Variants in CTTNBP2NL observed in about 807,000 individuals in gnomAD.
CTTNBP2NL encodes CTTNBP2 N-terminal like.
Under a neutral mutation model 32.5 loss-of-function variants are expected in CTTNBP2NL, and 16 were observed. The ratio of observed to expected loss-of-function variants is 0.49; its 90% CI spans 0.33 to 0.75. CTTNBP2NL has a LOEUF of 0.75. Among genes scored for constraint, CTTNBP2NL ranks in the 30% least tolerant of loss-of-function variants. CTTNBP2NL has a pLI of 0.02. For synonymous variants in CTTNBP2NL, 298 were observed against 289.4 expected (o/e 1.03, Z -0.30); for missense variants, 645 against 756.0 (o/e 0.85, Z 1.72).
intron 3 of CTTNBP2NL, among the ~76,000 whole-genome samples, chr1:112,418,580 A>C (rs958492554): frequency 6.6e-6 from 1 of 151,938 alleles, no homozygotes; most frequent in African/African-American, 2.4e-5. Context: ...AAAAAAAAAA[A>C]CTTCTTTATG....
chr1:112,423,653 A>G (rs1340466655), intron 3 of CTTNBP2NL, among the ~76,000 whole-genome samples: 7 of 151,838 alleles, frequency 4.6e-5, no homozygotes, highest in African/African-American at 1.7e-4. Flanking sequence ...ACCTTGTCTC[A>G]TTTCATTCTC....
chr1:112,397,304 G>T (rs1188484094), intron 1 of CTTNBP2NL, among the ~76,000 whole-genome samples: 2 of 152,170 alleles, frequency 1.3e-5, no homozygotes, highest in Non-Finnish European at 2.9e-5. Context: ...AACCTTGAAG[G>T]TATACTGCAG....
intron 1 of CTTNBP2NL, among the ~76,000 whole-genome samples, chr1:112,409,327 A>G (rs542646109): frequency 1.5e-4 from 23 of 152,282 alleles, no homozygotes; most frequent in Middle Eastern, 3.4e-3. Context: ...ATATCTGAGT[A>G]TATAATTAAA....
At chr1:112,398,171 G>A (rs969894277) in intron 1 of CTTNBP2NL, among the ~76,000 whole-genome samples, 2 of 152,200 alleles carry the variant, frequency 1.3e-5, no homozygotes, top group African/African-American at 4.8e-5. Flanking sequence ...AAGAGACTAA[G>A]CAAACCAAAG....
At chr1:112,423,924 T>C (rs1328492755) in intron 3 of CTTNBP2NL, among the ~76,000 whole-genome samples, 1 of 152,228 alleles carries the variant, frequency 6.6e-6, no homozygotes, top group African/African-American at 2.4e-5. Flanking sequence ...GATTTCACCA[T>C]GTTGGTCGGG....
intron 3 of CTTNBP2NL, among the ~76,000 whole-genome samples, chr1:112,432,579 C>T (rs1649599762): frequency 6.6e-6 from 1 of 151,248 alleles, no homozygotes; most frequent in African/African-American, 2.4e-5. Flanking sequence ...TTTCTTATAC[C>T]ACCCTATTCT....
At chr1:112,447,252 C>T (rs147709021) in intron 3 of CTTNBP2NL, among the ~76,000 whole-genome samples, 1,523 of 121,208 alleles carry the variant, frequency 0.013, 40 homozygotes, top group African/African-American at 0.044. Flanking sequence ...CCAGCCTGGG[C>T]GACAGAGCGA....
chr1:112,452,358 T>C (rs1208188634), intron 4 of CTTNBP2NL, among the ~76,000 whole-genome samples: 1 of 145,408 alleles, frequency 6.9e-6, no homozygotes, highest in African/African-American at 2.6e-5. Context: ...TTTTTTTTTT[T>C]TTTTAGACAG....
At chr1:112,435,079 A>G (rs1006679917) in intron 3 of CTTNBP2NL, among the ~76,000 whole-genome samples, 2 of 138,394 alleles carry the variant, frequency 1.4e-5, no homozygotes, top group African/African-American at 2.6e-5. Context: ...GGAGGCAGAG[A>G]TTGTAGCAAG....
At chr1:112,423,345 TGA>T (rs1403101768) in intron 3 of CTTNBP2NL, among the ~76,000 whole-genome samples, 3 of 152,148 alleles carry the variant, frequency 2.0e-5, no homozygotes, top group East Asian at 1.9e-4. Flanking sequence ...CAAAAATCAC[TGA>T]GAGTAGATTT....
chr1:112,454,547 G>A lies in CTTNBP2NL; in HGVS notation c.429G>A (p.Leu143=). 6.2e-7 allele frequency: 1 copy of A among 1,606,106 alleles called. No individual in the cohort carries two copies. The highest frequency in any genetic ancestry group is 1.1e-5 in the South Asian group (1 of 90,894). The change falls in exon 5 of 6, where the codon CTG becomes CTA. Residue 143 remains leucine (L), a synonymous_variant. Transcript: ENST00000271277. The stretch of plus-strand genomic sequence containing the variant: ...TGCTAGAGAAGGAAAGAGAGAGGCT[G>A]ACTCAACAGGTAATTAAGGTAGAGG... The part of the protein sequence containing the change: ...TYMLEKERER[L]TQQLEFEKSQ...
chr1:112,421,042 T>C (rs1649212432), intron 3 of CTTNBP2NL, among the ~76,000 whole-genome samples: 1 of 152,176 alleles, frequency 6.6e-6, no homozygotes, highest in Non-Finnish European at 1.5e-5. Context: ...CAAATGCTAA[T>C]TGAAGTGCTC....
At chr1:112,431,166 A>G (rs1359095471) in intron 3 of CTTNBP2NL, among the ~76,000 whole-genome samples, 2 of 152,240 alleles carry the variant, frequency 1.3e-5, no homozygotes, top group African/African-American at 4.8e-5. Flanking sequence ...TTCAGAAAAG[A>G]TTACAGCAGT....
chr1:112,454,437 A>T lies in CTTNBP2NL; in HGVS notation c.331-12A>T. 1 of 1,601,318 alleles carries T rather than the reference A, an allele frequency of 6.2e-7. No individual in the cohort carries two copies. Among genetic ancestry groups the T allele is most frequent in the Admixed American group, 1.7e-5 (1 of 58,232 alleles). On this transcript the variant is annotated splice_polypyrimidine_tract_variant and intron_variant, in intron 4 of 5. Coordinates refer to ENST00000271277, the MANE Select transcript of CTTNBP2NL (RefSeq NM_018704.3). ...TGATATTTGAAAATGAAATTTAAAAAATTCTTTAAAGGTGATCCTAGACCT... is the reference window on the plus strand; with the variant it reads ...TGATATTTGAAAATGAAATTTAAAATATTCTTTAAAGGTGATCCTAGACCT...
At chr1:112,445,529 C>T (rs1650013757) in intron 3 of CTTNBP2NL, among the ~76,000 whole-genome samples, 1 of 152,154 alleles carries the variant, frequency 6.6e-6, no homozygotes, top group African/African-American at 2.4e-5. Flanking sequence ...TTTGAATTCA[C>T]CTTTCCTATA....
At chr1:112,451,085 C>T (rs182791899) in intron 4 of CTTNBP2NL, among the ~76,000 whole-genome samples, 30 of 152,096 alleles carry the variant, frequency 2.0e-4, no homozygotes, top group African/African-American at 7.0e-4. Flanking sequence ...TCCACCTCTT[C>T]TCATTCCCCA....
At position 112,456,980 on chromosome 1, in the gene CTTNBP2NL, C is replaced by T. The variant is rs187891102; in HGVS notation, c.1488C>T (p.Ala496=). The change falls in exon 6 of 6, where the codon GCC becomes GCT. Residue 496 remains alanine (A), a synonymous_variant. Coordinates refer to ENST00000271277, the MANE Select transcript of CTTNBP2NL (RefSeq NM_018704.3). ...DLSPTLIDNS[A]AKQLARNTVT... ...CCCCCACCCTCATAGACAACTCTGC[C>T]GCCAAGCAGCTGGCCCGAAACACAG... 9.5e-5 allele frequency: 154 copies of T among 1,614,084 alleles called. No homozygotes were observed. The highest frequency in any genetic ancestry group is 1.6e-4 in the Middle Eastern group (1 of 6,062).
Position 112,459,771 on chromosome 1 carries a change from C to A in CTTNBP2NL, c.*2359C>A, listed in dbSNP as rs981476251. On this transcript the variant is annotated 3_prime_UTR_variant, in exon 6 of 6. Coordinates refer to ENST00000271277, the MANE Select transcript of CTTNBP2NL (RefSeq NM_018704.3). ...TGTCTCTTTTGCTTTAAATGGTAAT[C>A]TTAAAAGTTGCATTGTGCTCTTCCT... The A allele has an allele frequency of 6.6e-6, 1 of 152,116 alleles. No homozygotes were observed. The highest frequency in any genetic ancestry group is 2.4e-5 in the African/African-American group (1 of 41,414). The allele number at this position is 152,116 out of a possible 1,614,324, so 9.4% of individuals were successfully genotyped here. A position where few individuals can be genotyped will look rare whatever the true frequency, so the allele number is the denominator to read the frequency against.
In CTTNBP2NL at chr1:112,460,233, T is replaced by C. The variant is rs954194154; in HGVS notation, c.*2821T>C. On this transcript the variant is annotated 3_prime_UTR_variant, in exon 6 of 6. Transcript: ENST00000271277. ...TGCATTAAAACAAGTTAAATCTTGC[T>C]GTTTGGGGGGAAATAGTCTTGTTTG... 1 of 152,198 alleles carries C rather than the reference T, an allele frequency of 6.6e-6. No homozygotes were observed. The highest frequency in any genetic ancestry group is 2.4e-5 in the African/African-American group (1 of 41,454). The allele number at this position is 152,198 out of a possible 1,614,324, so 9.4% of individuals were successfully genotyped here.
Sources: gnomAD v4.1 joint callset for allele counts (sites outside exome capture counted in the v4.1 genomes callset) on GRCh38, gnomAD v4.1.1 for gene constraint, MANE v1.5 for transcripts, NCBI Gene and HGNC (gene_info 2026-07-23, HGNC 2026-07-21) for gene names.